CNTNAP5: variants seen among roughly 807,000 people sequenced by gnomAD.
CNTNAP5 encodes contactin associated protein family member 5.
CNTNAP5 carries 72 observed loss-of-function variants against 150.2 expected under a neutral mutation model. The ratio of observed to expected loss-of-function variants is 0.48; its 90% confidence interval spans 0.40 to 0.58. The LOEUF (loss-of-function observed/expected upper bound fraction) is 0.58, where lower values mean the gene tolerates loss of function less well. Ranked by LOEUF, CNTNAP5 falls within the 20% of genes least tolerant of loss-of-function variation. The pLI, the probability that CNTNAP5 is intolerant of heterozygous loss-of-function variation, is 0.00. For synonymous variants in CNTNAP5, 672 were observed against 619.8 expected, an observed-to-expected ratio of 1.08 and a Z score of -1.25; for missense variants, 1,636 against 1,626.2, an observed-to-expected ratio of 1.01 and a Z score of -0.10.
intron 3 of CNTNAP5, among the ~76,000 whole-genome samples, chr2:124,346,445 A>G (rs1261663770): frequency 1.3e-5 from 2 of 152,240 alleles, no homozygotes; most frequent in African/African-American, 2.4e-5. Context: ...TGAACATACC[A>G]GTTAGCAACA....
At chr2:124,787,670 T>C (rs1229254309) in intron 17 of CNTNAP5, among the ~76,000 whole-genome samples, 2 of 152,092 alleles carry the variant, frequency 1.3e-5, no homozygotes, top group Non-Finnish European at 2.9e-5. Context: ...CCTCCCCATT[T>C]CTAATTATTT....
intron 13 of CNTNAP5, among the ~76,000 whole-genome samples, chr2:124,706,264 A>G (rs1160800346): frequency 6.6e-6 from 1 of 152,216 alleles, no homozygotes; most frequent in Non-Finnish European, 1.5e-5. Flanking sequence ...GACAGAATTT[A>G]AAGATTTCTG....
intron 19 of CNTNAP5, among the ~76,000 whole-genome samples, chr2:124,827,792 C>T (rs1232994971): frequency 1.3e-5 from 2 of 152,124 alleles, no homozygotes; most frequent in Non-Finnish European, 2.9e-5. Flanking sequence ...TTATTGTATG[C>T]CATAATAGAG....
At chr2:124,808,837 A>G (rs1283921176) in intron 19 of CNTNAP5, among the ~76,000 whole-genome samples, 2 of 152,106 alleles carry the variant, frequency 1.3e-5, no homozygotes, top group Non-Finnish European at 2.9e-5. Flanking sequence ...AGCATATAGA[A>G]GTTGAACCAA....
chr2:124,765,903 C>A (rs1381729060), intron 16 of CNTNAP5, among the ~76,000 whole-genome samples: 1 of 151,860 alleles, frequency 6.6e-6, no homozygotes, highest in Non-Finnish European at 1.5e-5. Context: ...TTGCAGTAAG[C>A]CAAGATTGCA....
intron 3 of CNTNAP5, among the ~76,000 whole-genome samples, chr2:124,360,339 G>T (rs1304894079): frequency 6.7e-6 from 1 of 149,450 alleles, no homozygotes; most frequent in Non-Finnish European, 1.5e-5. Flanking sequence ...GTGTGAATTT[G>T]ATCCTGTCAT....
intron 1 of CNTNAP5, among the ~76,000 whole-genome samples, chr2:124,098,843 C>T (rs1682999382): frequency 1.3e-5 from 2 of 152,170 alleles, no homozygotes; most frequent in South Asian, 4.1e-4. Flanking sequence ...GTGTCAGGAA[C>T]TCCACTGCAG....
chr2:124,491,328 A>T (rs796503073), intron 7 of CNTNAP5, among the ~76,000 whole-genome samples: 1 of 152,284 alleles, frequency 6.6e-6, no homozygotes, highest in African/African-American at 2.4e-5. Flanking sequence ...TTAACTCAGC[A>T]TAATGACCTC....
intron 3 of CNTNAP5, among the ~76,000 whole-genome samples, chr2:124,376,920 T>G (rs1262797911): frequency 6.6e-6 from 1 of 152,120 alleles, no homozygotes; most frequent in Non-Finnish European, 1.5e-5. Flanking sequence ...TCAACTCATT[T>G]CCTGTGTTTA....
chr2:124,810,609 C>A (rs1198045669), intron 19 of CNTNAP5, among the ~76,000 whole-genome samples: 2 of 152,036 alleles, frequency 1.3e-5, no homozygotes, highest in Admixed American at 6.6e-5. Flanking sequence ...ATGAAGATTG[C>A]CTGTCACAAC....
At chr2:124,026,593 C>A (rs769930367) in intron 1 of CNTNAP5, among the ~76,000 whole-genome samples, 1 of 152,146 alleles carries the variant, frequency 6.6e-6, no homozygotes, top group Non-Finnish European at 1.5e-5. Flanking sequence ...CCTCTCTAGG[C>A]AGAGAAAGGG....
intron 10 of CNTNAP5, among the ~76,000 whole-genome samples, chr2:124,561,486 G>A (rs879492545): frequency 5.3e-5 from 8 of 152,050 alleles, no homozygotes; most frequent in Non-Finnish European, 1.2e-4. Flanking sequence ...GAGTGGGTGG[G>A]AATAAAAAGG....
chr2:124,688,218 G>A (rs1043490145), intron 13 of CNTNAP5, among the ~76,000 whole-genome samples: 2 of 152,072 alleles, frequency 1.3e-5, no homozygotes, highest in African/African-American at 2.4e-5. Context: ...TTGAAATACA[G>A]CTATGATAGA....
At chr2:124,043,864 C>T (rs1294012682) in intron 1 of CNTNAP5, among the ~76,000 whole-genome samples, 8 of 152,144 alleles carry the variant, frequency 5.3e-5, no homozygotes, top group African/African-American at 1.4e-4. Context: ...AGTCTCTTTA[C>T]TTTTTTCAGG....
intron 3 of CNTNAP5, among the ~76,000 whole-genome samples, chr2:124,290,661 G>T (rs1688263153): frequency 6.6e-6 from 1 of 152,158 alleles, no homozygotes; most frequent in Middle Eastern, 3.4e-3. Context: ...ACTATAGTTT[G>T]TTTTCGTGTA....
intron 1 of CNTNAP5, among the ~76,000 whole-genome samples, chr2:124,028,287 C>G (rs560891556): frequency 1.7e-5 from 2 of 117,192 alleles, no homozygotes; most frequent in African/African-American, 6.7e-5. Context: ...GTGGTTGTTA[C>G]TATGGTGTGG....
chr2:124,329,611 A>T (rs1211716998), intron 3 of CNTNAP5, among the ~76,000 whole-genome samples: 1 of 152,036 alleles, frequency 6.6e-6, no homozygotes, highest in Non-Finnish European at 1.5e-5. Context: ...TACATCAAAA[A>T]CTAAGTTGGT....
chr2:124,039,566 A>G (rs994584465), intron 1 of CNTNAP5, among the ~76,000 whole-genome samples: 1 of 152,172 alleles, frequency 6.6e-6, no homozygotes, highest in Non-Finnish European at 1.5e-5. Flanking sequence ...GAAGTGATGA[A>G]AGTATACAAA....
Position 124,902,996 on chromosome 2 carries a change from C to T in CNTNAP5, c.3551C>T (p.Ala1184Val). Residue 1184 changes from alanine to valine, a missense_variant, in exon 22 of 24, where the codon GCC (alanine) becomes GTC (valine). By Grantham distance (64) the Ala-to-Val change is moderately conservative. Transcript: ENST00000682447. The stretch of plus-strand genomic sequence containing the variant: ...CCACTGAAGGCTGCCCTGCGCCATG[C>T]CACTGTCGCGCCTGTGACTGTCCAT... ...IAPLKAALRHATVAPVTVHGT... is the reference protein window; with the variant it reads ...IAPLKAALRHVTVAPVTVHGT... The T allele has an allele frequency of 6.2e-7, 1 of 1,612,102 alleles. No individual in the cohort carries two copies. Among genetic ancestry groups the T allele is most frequent in the Non-Finnish European group, 8.5e-7 (1 of 1,179,012 alleles).
Sources: allele counts gnomAD v4.1 joint callset (sites outside exome capture counted in the v4.1 genomes callset), GRCh38; gene constraint gnomAD v4.1.1; transcripts MANE v1.5; gene names NCBI Gene and HGNC (gene_info 2026-07-23, HGNC 2026-07-21).